SLC6A11: variants seen among roughly 807,000 people sequenced by gnomAD.
The protein encoded by SLC6A11 is sodium- and chloride-dependent GABA transporter 3.
A neutral mutation model predicts 74.8 loss-of-function variants in SLC6A11; 25 were observed. That is an observed-to-expected ratio of 0.33 (90% CI 0.24 to 0.47). The LOEUF (loss-of-function observed/expected upper bound fraction) is 0.47, where lower values mean the gene tolerates loss of function less well. SLC6A11 is among the 20% of genes least tolerant of loss of function. The probability of loss-of-function intolerance (pLI) is 1.00; values close to 1 mark genes in which losing one functional copy is unlikely to be tolerated. For missense variants in SLC6A11, 574 were observed against 837.0 expected (o/e 0.69, Z 3.88); for synonymous variants, 330 against 330.2 (o/e 1.00, Z 0.01).
At chr3:10,862,698 C>T (rs1694717122) in intron 5 of SLC6A11, among the ~76,000 whole-genome samples, 2 of 152,188 alleles carry the variant, frequency 1.3e-5, no homozygotes, top group Non-Finnish European at 2.9e-5. Flanking sequence ...TGCTGTGCCT[C>T]CTTCAAAGTT....
At chr3:10,909,980 C>G (rs1057398171) in intron 6 of SLC6A11, among the ~76,000 whole-genome samples, 22 of 152,184 alleles carry the variant, frequency 1.4e-4, no homozygotes, top group African/African-American at 5.3e-4. Context: ...TCTCATACCC[C>G]CCACACATCG....
intron 5 of SLC6A11, among the ~76,000 whole-genome samples, chr3:10,861,752 G>A (rs1694705457): frequency 6.6e-6 from 1 of 152,114 alleles, no homozygotes; most frequent in Non-Finnish European, 1.5e-5. Context: ...GAAAGAAAGA[G>A]GATAGACAGC....
At chr3:10,866,468 C>T (rs1694764012) in intron 5 of SLC6A11, among the ~76,000 whole-genome samples, 1 of 152,196 alleles carries the variant, frequency 6.6e-6, no homozygotes, top group Admixed American at 6.5e-5. Flanking sequence ...TTCCCAGCTC[C>T]AGTCCTGCCC....
intron 6 of SLC6A11, among the ~76,000 whole-genome samples, chr3:10,911,713 C>A (rs917964511): frequency 6.6e-6 from 1 of 152,118 alleles, no homozygotes; most frequent in Non-Finnish European, 1.5e-5. Context: ...TGCATGAATC[C>A]TTGCAACAGT....
At chr3:10,835,893 A>G (rs1694360443) in intron 4 of SLC6A11, among the ~76,000 whole-genome samples, 2 of 152,228 alleles carry the variant, frequency 1.3e-5, no homozygotes, top group Admixed American at 6.5e-5. Flanking sequence ...TGTAGTTTAC[A>G]TGCCATAAAA....
At chr3:10,818,535 C>T (rs1694094058) in intron 1 of SLC6A11, among the ~76,000 whole-genome samples, 1 of 152,216 alleles carries the variant, frequency 6.6e-6, no homozygotes, top group African/African-American at 2.4e-5. Flanking sequence ...CCCTTTCAAA[C>T]CCTGATAGAT....
At chr3:10,931,495 CTG>C (rs1225976388) in intron 10 of SLC6A11, among the ~76,000 whole-genome samples, 3 of 152,224 alleles carry the variant, frequency 2.0e-5, no homozygotes, top group Non-Finnish European at 2.9e-5. Flanking sequence ...TGAATATTCA[CTG>C]TAGTTGTCAC....
chr3:10,882,055 A>C (rs1018612306), intron 6 of SLC6A11, among the ~76,000 whole-genome samples: 1 of 152,116 alleles, frequency 6.6e-6, no homozygotes, highest in Non-Finnish European at 1.5e-5. Flanking sequence ...TTCTGCATGA[A>C]GGCTGATAAA....
At chr3:10,841,387 T>C (rs1694435656) in intron 4 of SLC6A11, among the ~76,000 whole-genome samples, 1 of 152,208 alleles carries the variant, frequency 6.6e-6, no homozygotes, top group African/African-American at 2.4e-5. Context: ...AAGGCTGCCC[T>C]TGTGGGTTTC....
intron 6 of SLC6A11, among the ~76,000 whole-genome samples, chr3:10,882,875 G>GAGGC (rs1395469533): frequency 6.6e-6 from 1 of 152,168 alleles, no homozygotes; most frequent in Admixed American, 6.5e-5. Flanking sequence ...GCCGCACAGG[G>GAGGC]AGGCAGTGGG....
At chr3:10,935,287 G>C (rs41308277) in intron 13 of SLC6A11, 88 bp downstream of exon 13, 3 of 1,239,100 alleles carry the variant, frequency 2.4e-6, no homozygotes, top group Non-Finnish European at 3.5e-6. Flanking sequence ...CGCGATGACG[G>C]CCTGCGCCCA....
intron 5 of SLC6A11, among the ~76,000 whole-genome samples, chr3:10,858,699 G>A (rs777412553): frequency 6.6e-6 from 1 of 152,242 alleles, no homozygotes; most frequent in Non-Finnish European, 1.5e-5. Flanking sequence ...AGCTGGGACT[G>A]GAAGCCCCTC....
chr3:10,874,884 A>C, intron 5 of SLC6A11, 77 bp from the exon 6 acceptor site: 1 of 1,443,534 alleles, frequency 6.9e-7, no homozygotes, highest in Non-Finnish European at 9.4e-7. Flanking sequence ...ACATGCACCC[A>C]AAGGACATTG....
chr3:10,838,895 G>A (rs1384931724), intron 4 of SLC6A11, among the ~76,000 whole-genome samples: 2 of 152,302 alleles, frequency 1.3e-5, no homozygotes, highest in East Asian at 3.9e-4. Context: ...GTGGTGCCGA[G>A]CACAGTTCTC....
At chr3:10,936,851 G>A (rs60257073) in intron 13 of SLC6A11, among the ~76,000 whole-genome samples, 2,815 of 152,264 alleles carry the variant, frequency 0.018, 89 homozygotes, top group African/African-American at 0.064. Context: ...TGGTGTGGGC[G>A]GGAAAGCAGG....
intron 4 of SLC6A11, chr3:10,824,956 G>A (rs1694187647): frequency 6.6e-6 from 1 of 152,158 alleles, no homozygotes. Flanking sequence ...AGCCGAGGTG[G>A]GCGGATCACC....
At chr3:10,921,155 GC>G (rs1291011322) in intron 8 of SLC6A11, among the ~76,000 whole-genome samples, 1 of 152,222 alleles carries the variant, frequency 6.6e-6, no homozygotes, top group Non-Finnish European at 1.5e-5. Context: ...TTCCCTGCAT[GC>G]CCTGCATCTG....
chr3:10,919,176 CCCA>C (rs1327933027), intron 8 of SLC6A11, among the ~76,000 whole-genome samples: 1 of 152,072 alleles, frequency 6.6e-6, no homozygotes, highest in African/African-American at 2.4e-5. Flanking sequence ...TTGTAGCAAA[CCCA>C]CCAAGAGCAG....
rs1460488487 is a variant in SLC6A11 at position 10,916,873 on chromosome 3, G to A, written c.996-1456G>A. On this transcript the variant is annotated intron_variant, in intron 7 of 13. Coordinates refer to ENST00000254488, the MANE Select transcript of SLC6A11 (RefSeq NM_014229.3). ...GGGAGAATTGGAACCCAAGGCTCTCGACCACCAGTTCAATGCTCTCTCTAC... is the reference window on the plus strand; with the variant it reads ...GGGAGAATTGGAACCCAAGGCTCTCAACCACCAGTTCAATGCTCTCTCTAC... Among the ~76,000 whole-genome samples the A allele has an allele frequency of 5.3e-5, 8 of 152,200 alleles. No homozygotes were observed. In the East Asian group the frequency reaches 9.6e-4, roughly 18 times the overall value.
Sources: gnomAD v4.1 joint callset for allele counts (sites outside exome capture counted in the v4.1 genomes callset) on GRCh38, gnomAD v4.1.1 for gene constraint, MANE v1.5 for transcripts, NCBI Gene and HGNC (gene_info 2026-07-23, HGNC 2026-07-21) for gene names.